The following GPC6 variants were observed in gnomAD, a reference collection of about 807,000 sequenced individuals.
GPC6 encodes the protein glypican 6.
GPC6 carries 14 observed loss-of-function variants against 55.2 expected under a neutral mutation model. The observed-to-expected ratio is 0.25, with a 90% CI of 0.17 to 0.40. The LOEUF (loss-of-function observed/expected upper bound fraction) is 0.40, where lower values mean the gene tolerates loss of function less well. GPC6 is among the 10% of genes least tolerant of loss of function. The probability of loss-of-function intolerance (pLI) is 1.00; values close to 1 mark genes in which losing one functional copy is unlikely to be tolerated. For missense variants in GPC6, 641 were observed against 708.5 expected (o/e 0.90, Z 1.08); for synonymous variants, 278 against 259.6 (o/e 1.07, Z -0.68).
rs188590327 is a variant in GPC6, at chr13:94,330,983, C to T, written c.1152+24860C>T. Among the ~76,000 whole-genome samples the T allele has an allele frequency of 3.0e-3, 460 of 152,204 alleles. 3 individuals carry two copies. Among genetic ancestry groups the T allele is most frequent in the African/African-American group, 0.01 (435 of 41,508 alleles). On this transcript the variant is annotated intron_variant, in intron 6 of 8. Transcript: ENST00000377047. ...CTTCCTCTGATCTCAGAAATTGGGC[C>T]TCCCTCCAAATATTTAATAAAAAAA...
In GPC6 at chr13:94,160,943, A is replaced by T. The variant is rs372785816; in HGVS notation, c.878-125406A>T. Among the ~76,000 whole-genome samples, 240 of 152,222 alleles carry T rather than the reference A, an allele frequency of 1.6e-3. 2 individuals are homozygous for T. Among genetic ancestry groups the T allele is most frequent in the African/African-American group, 5.4e-3 (226 of 41,560 alleles). ...TTAAGTTCTCTCTATTCTAGGGAGA[A>T]CAGTACTGTGATAAATCGTATTTCA... On this transcript the variant is annotated intron_variant, in intron 4 of 8. Coordinates refer to ENST00000377047, the MANE Select transcript of GPC6 (RefSeq NM_005708.5).
At chr13:93,404,975 T>A (rs1441628265) in intron 1 of GPC6, among the ~76,000 whole-genome samples, 3 of 152,328 alleles carry the variant, frequency 2.0e-5, no homozygotes, top group East Asian at 3.9e-4. Context: ...GGGAATTTCT[T>A]TAATGAAATA....
intron 1 of GPC6, among the ~76,000 whole-genome samples, chr13:93,302,717 G>T (rs545776810): frequency 2.0e-5 from 3 of 152,250 alleles, no homozygotes; most frequent in South Asian, 4.2e-4. Context: ...GTTTAAAAAA[G>T]AAATGTATTT....
chr13:93,791,037 C>T (rs1224575411), intron 2 of GPC6, among the ~76,000 whole-genome samples: 2 of 152,162 alleles, frequency 1.3e-5, no homozygotes, highest in Non-Finnish European at 2.9e-5. Flanking sequence ...GAGCCTCAAC[C>T]GTTCCCCCTA....
chr13:93,884,584 A>G (rs1875208139), intron 3 of GPC6, among the ~76,000 whole-genome samples: 1 of 152,154 alleles, frequency 6.6e-6, no homozygotes, highest in Non-Finnish European at 1.5e-5. Context: ...TCCCAGAAAC[A>G]AAACTATAAT....
intron 1 of GPC6, among the ~76,000 whole-genome samples, chr13:93,230,249 T>C (rs1280895126): frequency 6.6e-6 from 1 of 152,180 alleles, no homozygotes; most frequent in Non-Finnish European, 1.5e-5. Flanking sequence ...AATAAGGACA[T>C]TATGTTTCAT....
chr13:93,292,566 A>G (rs773724321), intron 1 of GPC6, among the ~76,000 whole-genome samples: 2 of 152,190 alleles, frequency 1.3e-5, no homozygotes, highest in Non-Finnish European at 2.9e-5. Flanking sequence ...ATGCTTGTAT[A>G]TATGTATGTC....
At chr13:93,985,401 C>T (rs575198914) in intron 3 of GPC6, among the ~76,000 whole-genome samples, 14 of 152,108 alleles carry the variant, frequency 9.2e-5, no homozygotes, top group Non-Finnish European at 1.8e-4. Flanking sequence ...CACACCACTG[C>T]ACTCCAGCCC....
intron 2 of GPC6, among the ~76,000 whole-genome samples, chr13:93,672,605 G>T (rs1373937440): frequency 6.6e-6 from 1 of 150,610 alleles, no homozygotes; most frequent in Non-Finnish European, 1.5e-5. Context: ...AATTGAATTG[G>T]ACTTCTTTCA....
intron 3 of GPC6, among the ~76,000 whole-genome samples, chr13:93,983,341 C>T (rs1449234293): frequency 2.0e-5 from 3 of 152,048 alleles, no homozygotes; most frequent in Non-Finnish European, 4.4e-5. Context: ...GTAGTTGATG[C>T]TGAGGGTTGA....
intron 1 of GPC6, among the ~76,000 whole-genome samples, chr13:93,412,544 C>T (rs1876546964): frequency 6.6e-6 from 1 of 152,136 alleles, no homozygotes; most frequent in South Asian, 2.1e-4. Context: ...GTAGCCCCAG[C>T]TACTTGGGAG....
chr13:93,599,744 A>C (rs891950129), intron 2 of GPC6, among the ~76,000 whole-genome samples: 1 of 152,244 alleles, frequency 6.6e-6, no homozygotes, highest in Non-Finnish European at 1.5e-5. Flanking sequence ...TGAAAATGCC[A>C]AAATGAGGGT....
At chr13:93,647,317 CTTA>C (rs1256483509) in intron 2 of GPC6, among the ~76,000 whole-genome samples, 1 of 152,074 alleles carries the variant, frequency 6.6e-6, no homozygotes, top group Non-Finnish European at 1.5e-5. Flanking sequence ...TGAATGAATA[CTTA>C]TTATATACCT....
At chr13:93,621,471 T>G (rs2139557398) in intron 2 of GPC6, among the ~76,000 whole-genome samples, 1 of 152,298 alleles carries the variant, frequency 6.6e-6, no homozygotes, top group East Asian at 1.9e-4. Flanking sequence ...TGATAATAAC[T>G]TGGATGTGTT....
chr13:93,353,151 G>T (rs146839454), intron 1 of GPC6, among the ~76,000 whole-genome samples: 138 of 152,278 alleles, frequency 9.1e-4, no homozygotes, highest in African/African-American at 3.2e-3. Context: ...CTACCAAAGA[G>T]GAAACTGAGG....
intron 4 of GPC6, among the ~76,000 whole-genome samples, chr13:94,232,920 A>T (rs1375542476): frequency 2.0e-5 from 3 of 151,382 alleles, no homozygotes; most frequent in Admixed American, 2.0e-4. Flanking sequence ...AGGTAATGTA[A>T]TTATGGTTAA....
At chr13:93,529,584 C>T (rs1021047989) in intron 1 of GPC6, among the ~76,000 whole-genome samples, 10 of 138,446 alleles carry the variant, frequency 7.2e-5, no homozygotes, top group African/African-American at 2.3e-4. Flanking sequence ...GGCACCATCT[C>T]GGCTCACTGC....
chr13:93,289,355 C>G (rs1327064377), intron 1 of GPC6, among the ~76,000 whole-genome samples: 2 of 152,012 alleles, frequency 1.3e-5, no homozygotes, highest in African/African-American at 2.4e-5. Context: ...AAAAGACTTT[C>G]AAAACGTGAG....
chr13:94,126,225 A>C (rs1304983903), intron 4 of GPC6, among the ~76,000 whole-genome samples: 1 of 152,054 alleles, frequency 6.6e-6, no homozygotes, highest in Non-Finnish European at 1.5e-5. Context: ...ACAAAAAAAA[A>C]ATTGAAAATT....
Sources: allele counts gnomAD v4.1 joint callset (sites outside exome capture counted in the v4.1 genomes callset), GRCh38; gene constraint gnomAD v4.1.1; transcripts MANE v1.5; gene names NCBI Gene and HGNC (gene_info 2026-07-23, HGNC 2026-07-21).